Variants in GNAQ observed in about 807,000 individuals in gnomAD.
GNAQ encodes G protein subunit alpha q.
GNAQ carries 8 observed loss-of-function variants against 43.9 expected under a neutral mutation model. The ratio of observed to expected loss-of-function variants is 0.18; its 90% CI spans 0.11 to 0.33. The LOEUF is 0.33. Among genes scored for constraint, GNAQ ranks in the 10% least tolerant of loss-of-function variants. The pLI, the probability that GNAQ is intolerant of heterozygous loss-of-function variation, is 1.00. For synonymous variants in GNAQ, 155 were observed against 170.7 expected (o/e 0.91, Z 0.71); for missense variants, 158 against 450.8 (o/e 0.35, Z 5.88).
chr9:77,812,656 G>T (rs371536582), intron 3 of GNAQ, among the ~76,000 whole-genome samples: 1 of 151,944 alleles, frequency 6.6e-6, no homozygotes, highest in East Asian at 1.9e-4. Context: ...GAAGAATTTG[G>T]GAAATCTGAA....
chr9:77,948,539 T>C (rs1822933665), intron 1 of GNAQ, among the ~76,000 whole-genome samples: 1 of 151,818 alleles, frequency 6.6e-6, no homozygotes, highest in Non-Finnish European at 1.5e-5. Flanking sequence ...GACTGTGGGG[T>C]CCAGCCAGGA....
chr9:77,763,356 TG>T (rs1826085160), intron 5 of GNAQ, among the ~76,000 whole-genome samples: 1 of 152,220 alleles, frequency 6.6e-6, no homozygotes, highest in South Asian at 2.1e-4. Flanking sequence ...CTAGGTGTGG[TG>T]GCTCATGCCT....
chr9:77,811,456 TCAAA>T (rs1826922472), intron 3 of GNAQ, among the ~76,000 whole-genome samples: 1 of 152,120 alleles, frequency 6.6e-6, no homozygotes, highest in Non-Finnish European at 1.5e-5. Flanking sequence ...AACAATTATC[TCAAA>T]CACAGAGAAA....
At chr9:77,777,832 A>T (rs1256675761) in intron 5 of GNAQ, among the ~76,000 whole-genome samples, 1 of 152,074 alleles carries the variant, frequency 6.6e-6, no homozygotes, top group African/African-American at 2.4e-5. Flanking sequence ...GTTGGCTAGC[A>T]TAAGGAGAAA....
At chr9:77,968,953 T>C (rs1356656946) in intron 1 of GNAQ, among the ~76,000 whole-genome samples, 2 of 152,252 alleles carry the variant, frequency 1.3e-5, no homozygotes, top group Non-Finnish European at 2.9e-5. Flanking sequence ...GGCACCTTAA[T>C]GGACAGTGCT....
intron 5 of GNAQ, among the ~76,000 whole-genome samples, chr9:77,760,620 G>A (rs965901956): frequency 1.3e-5 from 2 of 152,086 alleles, no homozygotes; most frequent in African/African-American, 2.4e-5. Flanking sequence ...GCCTCTGCCC[G>A]GCCGCCACCC....
intron 1 of GNAQ, among the ~76,000 whole-genome samples, chr9:77,969,942 A>G (rs1197548637): frequency 6.6e-6 from 1 of 152,128 alleles, no homozygotes; most frequent in Non-Finnish European, 1.5e-5. Context: ...CCTTGTTACG[A>G]AAGTGATGGC....
At chr9:77,880,208 T>C (rs964787238) in intron 2 of GNAQ, among the ~76,000 whole-genome samples, 1 of 152,142 alleles carries the variant, frequency 6.6e-6, no homozygotes, top group Non-Finnish European at 1.5e-5. Flanking sequence ...GGGCCTTAGT[T>C]TCCCCACCAT....
chr9:77,962,098 A>G (rs549384286), intron 1 of GNAQ, among the ~76,000 whole-genome samples: 1 of 152,308 alleles, frequency 6.6e-6, no homozygotes, highest in African/African-American at 2.4e-5. Context: ...TGTGAACCTG[A>G]TGACACAAAA....
intron 1 of GNAQ, among the ~76,000 whole-genome samples, chr9:77,927,138 G>C (rs957723421): frequency 6.6e-6 from 1 of 151,888 alleles, no homozygotes; most frequent in African/African-American, 2.4e-5. Flanking sequence ...CAACACAACA[G>C]GATTCCCACA....
intron 1 of GNAQ, among the ~76,000 whole-genome samples, chr9:77,931,516 C>G (rs4409466): frequency 0.23 from 34,159 of 151,294 alleles, 4,025 homozygotes; most frequent in South Asian, 0.38. Flanking sequence ...GCGTGAGCCC[C>G]GGAGACGTAG....
chr9:77,740,572 A>G (rs916606365), intron 5 of GNAQ, among the ~76,000 whole-genome samples: 1 of 152,230 alleles, frequency 6.6e-6, no homozygotes, highest in Non-Finnish European at 1.5e-5. Context: ...AATATTCTGA[A>G]TACAAGTCCT....
chr9:77,858,198 T>C (rs1408220048), intron 2 of GNAQ, among the ~76,000 whole-genome samples: 4 of 152,166 alleles, frequency 2.6e-5, no homozygotes, highest in South Asian at 2.1e-4. Flanking sequence ...AATCATGAGA[T>C]TGAGTCTCCA....
intron 1 of GNAQ, among the ~76,000 whole-genome samples, chr9:77,988,485 C>A (rs865889515): frequency 3.3e-5 from 5 of 152,232 alleles, no homozygotes; most frequent in Non-Finnish European, 4.4e-5. Context: ...GCTGTTTTCT[C>A]ATCTTTCTTC....
chr9:77,842,798 C>T (rs1215195755), intron 2 of GNAQ, among the ~76,000 whole-genome samples: 2 of 152,112 alleles, frequency 1.3e-5, no homozygotes, highest in Non-Finnish European at 2.9e-5. Context: ...ACATATGCAT[C>T]TTTTACAAGG....
chr9:77,844,766 G>A (rs1378147910), intron 2 of GNAQ, among the ~76,000 whole-genome samples: 16 of 151,818 alleles, frequency 1.1e-4, no homozygotes, highest in African/African-American at 3.6e-4. Context: ...TCTACCTCCC[G>A]GGTTCAAGTG....
chr9:77,822,858 C>A (rs1827138816), intron 2 of GNAQ, among the ~76,000 whole-genome samples: 1 of 151,900 alleles, frequency 6.6e-6, no homozygotes, highest in East Asian at 1.9e-4. Flanking sequence ...AGAAACTGTT[C>A]CATTAATAAA....
At chr9:77,817,363 G>A (rs1457500109) in intron 2 of GNAQ, among the ~76,000 whole-genome samples, 2 of 151,162 alleles carry the variant, frequency 1.3e-5, no homozygotes, top group Non-Finnish European at 3.0e-5. Flanking sequence ...CCTGGCAAGT[G>A]GTAGATGTTC....
At chr9:77,966,087 G>A (rs987166634) in intron 1 of GNAQ, among the ~76,000 whole-genome samples, 20 of 152,226 alleles carry the variant, frequency 1.3e-4, no homozygotes, top group African/African-American at 4.8e-4. Flanking sequence ...TGGACATACT[G>A]TATGTTCCCT....
Sources: gnomAD v4.1 joint callset for allele counts (sites outside exome capture counted in the v4.1 genomes callset) on GRCh38, gnomAD v4.1.1 for gene constraint, MANE v1.5 for transcripts, NCBI Gene and HGNC (gene_info 2026-07-23, HGNC 2026-07-21) for gene names.